RBPJ: variants seen among roughly 807,000 people sequenced by gnomAD.
RBPJ encodes recombination signal binding protein for immunoglobulin kappa J region.
A neutral mutation model predicts 67.8 loss-of-function variants in RBPJ; 9 were observed. The observed-to-expected ratio is 0.13, with a 90% CI of 0.08 to 0.23. The LOEUF (loss-of-function observed/expected upper bound fraction) is 0.23. Ranked by LOEUF, RBPJ falls within the 10% of genes least tolerant of loss-of-function variation. RBPJ has a pLI of 1.00. For synonymous variants in RBPJ, 198 were observed against 203.3 expected (o/e 0.97, Z 0.22); for missense variants, 305 against 595.6 (o/e 0.51, Z 5.08).
intron 1 of RBPJ, among the ~76,000 whole-genome samples, chr4:26,328,059 A>C (rs920705009): frequency 1.3e-5 from 2 of 152,126 alleles, no homozygotes; most frequent in African/African-American, 4.8e-5. Flanking sequence ...CCTTTTGGAA[A>C]ACTGCAGATC....
intron 1 of RBPJ, among the ~76,000 whole-genome samples, chr4:26,365,757 C>T (rs1383186780): frequency 6.6e-6 from 1 of 152,184 alleles, no homozygotes; most frequent in Non-Finnish European, 1.5e-5. Flanking sequence ...GCCATATCCT[C>T]TACATTACTT....
chr4:26,238,834 C>A (rs978992252), intron 1 of RBPJ, among the ~76,000 whole-genome samples: 1 of 152,114 alleles, frequency 6.6e-6, no homozygotes, highest in Non-Finnish European at 1.5e-5. Flanking sequence ...ACAGTCAGGA[C>A]AGCCAGGACA....
the RBPJ span, among the ~76,000 whole-genome samples, chr4:26,148,933 C>T: frequency 2.6e-5 from 4 of 152,196 alleles, no homozygotes; most frequent in African/African-American, 9.7e-5. Context: ...ATTTACTTAT[C>T]TTTCTAGGAA....
At chr4:26,392,984 A>C (rs1225464171) in intron 2 of RBPJ, among the ~76,000 whole-genome samples, 1 of 152,108 alleles carries the variant, frequency 6.6e-6, no homozygotes. Context: ...CCCAGGCTAG[A>C]GTACAGGTGC....
Position 26,431,184 on chromosome 4 carries a change from T to TA in RBPJ, c.*204dup, listed in dbSNP as rs897964346. On this transcript the variant is annotated 3_prime_UTR_variant, in exon 11 of 11. Transcript: ENST00000355476. Reference sequence around the variant, plus strand: ...CTGATTTGAAATGCAGAAGCCACAGTAAAAAAAAAAAAAAAAAAAAAAAAA... The same window carrying TA: ...CTGATTTGAAATGCAGAAGCCACAGTAAAAAAAAAAAAAAAAAAAAAAAAAA... 0.11 allele frequency: 4,664 copies of TA among 40,568 alleles called. 256 individuals carry two copies. Among genetic ancestry groups the TA allele is most frequent in the Non-Finnish European group, 0.17 (3,445 of 20,568 alleles). The allele number at this position is 40,568 out of a possible 1,614,324, so 2.5% of individuals were successfully genotyped here.
chr4:26,362,625 A>C (rs1280350549), intron 1 of RBPJ: 1 of 1,613,872 alleles, frequency 6.2e-7, no homozygotes, highest in African/African-American at 1.3e-5. Context: ...GCGTGGATTA[A>C]AAGGTATGCT....
chr4:26,156,414 CTT>C, the RBPJ span, among the ~76,000 whole-genome samples: 6 of 93,544 alleles, frequency 6.4e-5, no homozygotes, highest in Non-Finnish European at 1.0e-4. Context: ...TCTTTTCTTT[CTT>C]TTTTTTTTTT....
intron 1 of RBPJ, among the ~76,000 whole-genome samples, chr4:26,254,699 A>G (rs1000581289): frequency 1.4e-5 from 2 of 147,486 alleles, no homozygotes; most frequent in East Asian, 1.9e-4. Context: ...TTTTTTTAAG[A>G]CAGAGTCACA....
the RBPJ span, among the ~76,000 whole-genome samples, chr4:26,149,576 A>C: frequency 1.3e-5 from 2 of 152,094 alleles, no homozygotes; most frequent in Admixed American, 6.6e-5. Flanking sequence ...GATTAATGTC[A>C]TTATCTTGGG....
At chr4:26,160,638 C>G (rs564491834), upstream of RBPJ, among the ~76,000 whole-genome samples, 16 of 152,302 alleles carry the variant, frequency 1.1e-4, no homozygotes, top group South Asian at 6.2e-4. Context: ...CTGCTCTTCT[C>G]TCTGGTAAGG....
intron 1 of RBPJ, among the ~76,000 whole-genome samples, chr4:26,312,133 T>C (rs941925449): frequency 9.3e-5 from 14 of 151,010 alleles, no homozygotes; most frequent in African/African-American, 2.4e-4. Flanking sequence ...TTATTTTATT[T>C]TATTTTATTT....
intron 1 of RBPJ, among the ~76,000 whole-genome samples, chr4:26,364,819 G>T (rs969875390): frequency 3.3e-5 from 5 of 151,482 alleles, no homozygotes; most frequent in African/African-American, 9.7e-5. Flanking sequence ...TAGAGACGGG[G>T]TTTCGCTATG....
chr4:26,244,900 C>A (rs1253697784), intron 1 of RBPJ, among the ~76,000 whole-genome samples: 1 of 151,900 alleles, frequency 6.6e-6, no homozygotes. Context: ...TCGCAAAGTG[C>A]TAGGATTACA....
chr4:26,216,529 G>A (rs1019980524), intron 1 of RBPJ, among the ~76,000 whole-genome samples: 4 of 152,120 alleles, frequency 2.6e-5, no homozygotes, highest in African/African-American at 9.7e-5. Flanking sequence ...AGCCAGAGGG[G>A]TGGGGTTGGG....
intron 1 of RBPJ, among the ~76,000 whole-genome samples, chr4:26,202,781 C>A (rs1718024388): frequency 6.6e-6 from 1 of 151,802 alleles, no homozygotes; most frequent in African/African-American, 2.4e-5. Context: ...TGGTGACACG[C>A]CCCTGTAATC....
intron 1 of RBPJ, among the ~76,000 whole-genome samples, chr4:26,255,272 C>G (rs375188529): frequency 7.2e-6 from 1 of 138,032 alleles, no homozygotes; most frequent in African/African-American, 3.0e-5. Context: ...GGCGTGGTGG[C>G]GGGCGCCTGT....
chr4:26,316,042 C>T (rs1722598044), upstream of RBPJ, among the ~76,000 whole-genome samples: 1 of 152,018 alleles, frequency 6.6e-6, no homozygotes, highest in Non-Finnish European at 1.5e-5. Context: ...GTTTTACAAT[C>T]AATTTGTACA....
the RBPJ span, among the ~76,000 whole-genome samples, chr4:26,107,910 G>A: frequency 6.6e-6 from 1 of 152,030 alleles, no homozygotes; most frequent in African/African-American, 2.4e-5. Flanking sequence ...AAAAGAAAAA[G>A]AAGATTCCCT....
rs1736271298 is a variant in RBPJ at position 26,431,873 on chromosome 4, G to T, written c.*866G>T. Reference sequence around the variant, plus strand: ...TGGACTTATTGTGGTTATCTGAGAGGTTCTAACATTCACATGCAATTTGGT... The same window carrying T: ...TGGACTTATTGTGGTTATCTGAGAGTTTCTAACATTCACATGCAATTTGGT... On this transcript the variant is annotated 3_prime_UTR_variant, in exon 11 of 11. Coordinates refer to ENST00000355476, the MANE Select transcript of RBPJ (RefSeq NM_015874.6). 2 of 151,970 alleles carry T rather than the reference G, an allele frequency of 1.3e-5. No homozygotes were observed. The highest frequency in any genetic ancestry group is 2.4e-5 in the African/African-American group (1 of 41,362). 9.4% of individuals were successfully genotyped at this position (151,970 alleles called of 1,614,324 possible). A position where few individuals can be genotyped will look rare whatever the true frequency, so the allele number is the denominator to read the frequency against.
Sources: allele counts gnomAD v4.1 joint callset (sites outside exome capture counted in the v4.1 genomes callset), GRCh38; gene constraint gnomAD v4.1.1; transcripts MANE v1.5; gene names NCBI Gene and HGNC (gene_info 2026-07-23, HGNC 2026-07-21).